The following NLGN4X variants were observed in gnomAD, a reference collection of about 807,000 sequenced individuals.
NLGN4X encodes the protein neuroligin-4, X-linked.
In NLGN4X, 3 loss-of-function variants were observed where a neutral mutation model predicts 40.3. The observed-to-expected ratio is 0.07, with a 90% CI of 0.03 to 0.19. The LOEUF is 0.19. Among genes scored for constraint, NLGN4X ranks in the 10% least tolerant of loss-of-function variants. The pLI, the probability that NLGN4X is intolerant of heterozygous loss-of-function variation, is 1.00. For missense variants in NLGN4X, 382 were observed against 708.3 expected (o/e 0.54, Z 5.23); for synonymous variants, 270 against 306.8 (o/e 0.88, Z 1.25).
chrX:6,067,956 T>C (rs2037965296), intron 2 of NLGN4X, among the ~76,000 whole-genome samples: 1 of 111,388 alleles, frequency 9.0e-6, no homozygotes, highest in Non-Finnish European at 1.9e-5. Flanking sequence ...AATGGATGGC[T>C]CACCCTCAAG....
At chrX:6,051,922 G>A (rs762794213) in intron 2 of NLGN4X, among the ~76,000 whole-genome samples, 1 of 110,839 alleles carries the variant, frequency 9.0e-6, no homozygotes, top group East Asian at 2.8e-4. Context: ...CCTTGATTAG[G>A]TTATGTTATC....
chrX:6,182,462 AGAT>A (rs1388919447), intron 1 of NLGN4X, among the ~76,000 whole-genome samples: 1 of 111,935 alleles, frequency 8.9e-6, no homozygotes. Flanking sequence ...AGGCCAACTA[AGAT>A]GACCCCTGAG....
At chrX:6,164,759 C>A (rs1401656262) in intron 1 of NLGN4X, among the ~76,000 whole-genome samples, 1 of 111,894 alleles carries the variant, frequency 8.9e-6, no homozygotes, top group African/African-American at 3.2e-5. Flanking sequence ...CATCTCACAA[C>A]CCTGGCTAGA....
Position 6,098,411 on chromosome X carries a change from T to C in NLGN4X, c.472+52584A>G, listed in dbSNP as rs1422852801. ...TCACTAATCACACCCTGCAAATGTCTTCTGAGTGAGAATATGATCTCCCTA... is the reference window on the plus strand; with the variant it reads ...TCACTAATCACACCCTGCAAATGTCCTCTGAGTGAGAATATGATCTCCCTA... On this transcript the variant is annotated intron_variant, in intron 2 of 5. Transcript: ENST00000381095. Among the ~76,000 whole-genome samples, 7 of 112,159 alleles carry C rather than the reference T, an allele frequency of 6.2e-5. No individual in the cohort carries two copies. In the Admixed American group the frequency reaches 6.6e-4, roughly 11 times the overall value.
intron 1 of NLGN4X, among the ~76,000 whole-genome samples, chrX:6,220,153 T>A (rs1371671350): frequency 9.0e-6 from 1 of 111,626 alleles, no homozygotes; most frequent in East Asian, 2.8e-4. Flanking sequence ...TATATTTTAG[T>A]CTAAAATATC....
Position 5,967,825 on chromosome X carries a change from G to A in NLGN4X, c.626-58586C>T, listed in dbSNP as rs1232679285. Among the ~76,000 whole-genome samples the A allele has an allele frequency of 5.4e-5, 6 of 110,979 alleles. No individual in the cohort carries two copies. The Admixed American group carries it at 5.8e-4, about 11-fold the overall frequency. ...CTGTAATATTTACAATGCTGGTCCT[G>A]TGATACCAAGCCCCTGCATCCTTTC... On this transcript the variant is annotated intron_variant, in intron 3 of 5. Coordinates refer to ENST00000381095, the MANE Select transcript of NLGN4X (RefSeq NM_181332.3).
At chrX:6,117,458 C>T (rs1418191612) in intron 2 of NLGN4X, among the ~76,000 whole-genome samples, 4 of 111,001 alleles carry the variant, frequency 3.6e-5, no homozygotes, top group Non-Finnish European at 7.5e-5. Flanking sequence ...CTTTCTCCTC[C>T]GTCTCCAGCT....
Position 5,911,829 on chromosome X carries a change from C to CAG in NLGN4X, c.626-2591_626-2590insCT, listed in dbSNP as rs753296502. ...CTCCATCTTGCCTTTAACCTCCATA[C>CAG]TGTTCTTGATCATTCCTGGGCACGG... On this transcript the variant is annotated intron_variant, in intron 3 of 5. Coordinates refer to ENST00000381095, the MANE Select transcript of NLGN4X (RefSeq NM_181332.3). 8.9e-5 allele frequency among the ~76,000 whole-genome samples: 10 copies of CAG among 112,005 alleles called. No individual in the cohort carries two copies. The South Asian group carries it at 3.0e-3, about 34-fold the overall frequency.
chrX:6,008,779 T>C (rs2036169789), intron 3 of NLGN4X, among the ~76,000 whole-genome samples: 2 of 111,911 alleles, frequency 1.8e-5, no homozygotes, highest in Non-Finnish European at 3.8e-5. Context: ...GTCCCCACCA[T>C]CTATCTTCAG....
At chrX:6,126,078 G>A (rs1041453680) in intron 2 of NLGN4X, among the ~76,000 whole-genome samples, 5 of 110,929 alleles carry the variant, frequency 4.5e-5, no homozygotes, top group Admixed American at 3.9e-4. Context: ...TTAATTATAA[G>A]AGAAGAATCA....
chrX:5,945,750 C>A (rs991262751), intron 3 of NLGN4X, among the ~76,000 whole-genome samples: 3 of 110,667 alleles, frequency 2.7e-5, no homozygotes. Flanking sequence ...TAGAGGGGAA[C>A]AACACACACT....
At chrX:6,096,587 G>T (rs1423994368) in intron 2 of NLGN4X, among the ~76,000 whole-genome samples, 1 of 111,894 alleles carries the variant, frequency 8.9e-6, no homozygotes, top group African/African-American at 3.2e-5. Flanking sequence ...AAGGCCACTT[G>T]AAGAAGAGCG....
chrX:6,116,391 CTTTTTTTTTTTTTTTTT>C (rs1157468420), intron 2 of NLGN4X, among the ~76,000 whole-genome samples: 13 of 22,287 alleles, frequency 5.8e-4, no homozygotes, highest in African/African-American at 9.3e-4. Flanking sequence ...ACCTTTCTTT[CTTTTTTTTTTTTTTTTT>C]TTTTTTTTTT....
chrX:6,151,998 T>C (rs777181719), intron 1 of NLGN4X, among the ~76,000 whole-genome samples: 13 of 111,716 alleles, frequency 1.2e-4, no homozygotes, highest in Non-Finnish European at 2.3e-4. Flanking sequence ...TTGCCCAAGC[T>C]GCAGTGCAGT....
chrX:6,218,276 T>C (rs1925268320), intron 1 of NLGN4X, among the ~76,000 whole-genome samples: 1 of 111,942 alleles, frequency 8.9e-6, no homozygotes, highest in African/African-American at 3.2e-5. Flanking sequence ...GCTCATCAAC[T>C]GTAGTAGTCG....
intron 3 of NLGN4X, among the ~76,000 whole-genome samples, chrX:6,013,239 T>C (rs2036300832): frequency 9.0e-6 from 1 of 111,328 alleles, no homozygotes; most frequent in Admixed American, 9.6e-5. Context: ...CCAGCTAACC[T>C]ATGTGTAATG....
intron 1 of NLGN4X, among the ~76,000 whole-genome samples, chrX:6,182,939 G>A (rs764796094): frequency 8.9e-6 from 1 of 112,166 alleles, no homozygotes; most frequent in East Asian, 2.8e-4. Context: ...CTGAGAACAT[G>A]AACATGCTGA....
intron 1 of NLGN4X, among the ~76,000 whole-genome samples, chrX:6,213,926 A>T (rs1924839261): frequency 8.9e-6 from 1 of 112,199 alleles, no homozygotes; most frequent in Admixed American, 9.5e-5. Flanking sequence ...ACTTTAAAGC[A>T]TTGTGGAAAA....
chrX:6,220,734 C>CTT (rs774553248), intron 1 of NLGN4X, among the ~76,000 whole-genome samples: 1,519 of 66,694 alleles, frequency 0.023, 128 homozygotes, highest in African/African-American at 0.089. Context: ...TTATAACTTT[C>CTT]TTTTTTTTTT....
Sources: gnomAD v4.1 joint callset for allele counts (sites outside exome capture counted in the v4.1 genomes callset) on GRCh38, gnomAD v4.1.1 for gene constraint, MANE v1.5 for transcripts, NCBI Gene and HGNC (gene_info 2026-07-23, HGNC 2026-07-21) for gene names.